The following SNTG2 variants were observed in gnomAD, a reference collection of about 807,000 sequenced individuals.
SNTG2 encodes the protein syntrophin gamma 2, also known as gamma-2-syntrophin.
In SNTG2, 74 loss-of-function variants were observed where a neutral mutation model predicts 70.9. The ratio of observed to expected loss-of-function variants is 1.04; its 90% confidence interval spans 0.86 to 1.27. The LOEUF (loss-of-function observed/expected upper bound fraction) is 1.27. Ranked by LOEUF, SNTG2 falls within the 50% of genes most tolerant of loss-of-function variation. The pLI, the probability that SNTG2 is intolerant of heterozygous loss-of-function variation, is 0.00. For synonymous variants in SNTG2, 278 were observed against 273.8 expected (o/e 1.02, Z -0.15); for missense variants, 717 against 690.7 (o/e 1.04, Z -0.43).
At chr2:1,079,899 G>A (rs1048912963) in intron 1 of SNTG2, among the ~76,000 whole-genome samples, 8 of 152,188 alleles carry the variant, frequency 5.3e-5, no homozygotes, top group African/African-American at 1.9e-4. Flanking sequence ...CCTGAATAAC[G>A]AGAGCAGAGC....
intron 6 of SNTG2, among the ~76,000 whole-genome samples, chr2:1,159,128 G>A (rs1450385502): frequency 2.5e-5 from 2 of 80,402 alleles, no homozygotes; most frequent in Non-Finnish European, 5.6e-5. Context: ...GTGTGTGTAT[G>A]CATGGGTGTG....
At chr2:1,149,386 A>G (rs922200851) in intron 6 of SNTG2, among the ~76,000 whole-genome samples, 2 of 152,150 alleles carry the variant, frequency 1.3e-5, no homozygotes, top group African/African-American at 2.4e-5. Flanking sequence ...TGTGAATAGG[A>G]TTAGAAAAAA....
At chr2:1,053,024 G>T (rs1662164077) in intron 1 of SNTG2, among the ~76,000 whole-genome samples, 1 of 152,142 alleles carries the variant, frequency 6.6e-6, no homozygotes, top group Non-Finnish European at 1.5e-5. Flanking sequence ...TCTTTTTCTG[G>T]TAGTTTTCCA....
intron 1 of SNTG2, among the ~76,000 whole-genome samples, chr2:960,046 T>C (rs1266961480): frequency 3.3e-5 from 5 of 152,180 alleles, no homozygotes; most frequent in Non-Finnish European, 5.9e-5. Flanking sequence ...ATAATTTTCA[T>C]AGTTTGCTAA....
At chr2:1,280,929 G>C (rs7602382) in intron 14 of SNTG2, among the ~76,000 whole-genome samples, 92,138 of 152,096 alleles carry the variant, frequency 0.61, 28,510 homozygotes, top group Middle Eastern at 0.78. Flanking sequence ...GAAGTTATAT[G>C]CTGCTGCTGT....
At chr2:1,031,529 T>TATATATATATA (rs372970926) in intron 1 of SNTG2, among the ~76,000 whole-genome samples, 24 of 42,632 alleles carry the variant, frequency 5.6e-4, no homozygotes, top group African/African-American at 2.4e-3. Context: ...TATATATATA[T>TATATATATATA]TTTTTTTTTT....
At chr2:1,162,071 C>CAAAAAAA (rs58579024) in intron 6 of SNTG2, among the ~76,000 whole-genome samples, 3 of 89,770 alleles carry the variant, frequency 3.3e-5, no homozygotes, top group South Asian at 4.9e-4. Context: ...GACTCCGTCT[C>CAAAAAAA]AAAAAAAAAA....
chr2:1,122,297 T>C (rs1447254470), intron 4 of SNTG2, among the ~76,000 whole-genome samples: 1 of 152,072 alleles, frequency 6.6e-6, no homozygotes, highest in Non-Finnish European at 1.5e-5. Flanking sequence ...AACAAAGATG[T>C]CACTAACAAT....
intron 9 of SNTG2, among the ~76,000 whole-genome samples, chr2:1,232,423 C>T (rs1010712847): frequency 6.6e-6 from 1 of 152,090 alleles, no homozygotes; most frequent in South Asian, 2.1e-4. Context: ...CCTCAGCCTC[C>T]CAAGCAGCTG....
chr2:1,052,898 C>T (rs1478693336), intron 1 of SNTG2, among the ~76,000 whole-genome samples: 2 of 152,192 alleles, frequency 1.3e-5, no homozygotes, highest in Admixed American at 6.5e-5. Context: ...TTTTGAAAGT[C>T]GTAAGCTCAC....
chr2:1,324,747 T>G (rs565766888), intron 16 of SNTG2, among the ~76,000 whole-genome samples: 1 of 152,334 alleles, frequency 6.6e-6, no homozygotes, highest in South Asian at 2.1e-4. Context: ...TTAGGCCTGG[T>G]TATTTGCATA....
At chr2:1,033,331 A>G (rs79714520) in intron 1 of SNTG2, among the ~76,000 whole-genome samples, 28,990 of 152,088 alleles carry the variant, frequency 0.19, 3,387 homozygotes, top group Middle Eastern at 0.27. Context: ...ACAAGTCCAG[A>G]GAGTAGAGCC....
At chr2:1,144,121 C>A (rs28362094) in intron 6 of SNTG2, among the ~76,000 whole-genome samples, 28,173 of 151,972 alleles carry the variant, frequency 0.19, 2,680 homozygotes, top group Non-Finnish European at 0.21. Context: ...CTCCTCTTTA[C>A]CTCCTAAATC....
intron 9 of SNTG2, among the ~76,000 whole-genome samples, chr2:1,220,987 G>A (rs1362703921): frequency 1.3e-5 from 2 of 152,216 alleles, no homozygotes; most frequent in Non-Finnish European, 2.9e-5. Flanking sequence ...GAGGCACCCT[G>A]ACACCCCTCC....
chr2:1,356,531 C>T (rs990320456), intron 16 of SNTG2, among the ~76,000 whole-genome samples: 1 of 152,122 alleles, frequency 6.6e-6, no homozygotes, highest in Admixed American at 6.5e-5. Context: ...CTATTCTGTT[C>T]CATTGGTTTA....
At chr2:1,076,412 G>A (rs1176450140) in intron 1 of SNTG2, among the ~76,000 whole-genome samples, 1 of 152,158 alleles carries the variant, frequency 6.6e-6, no homozygotes, top group Non-Finnish European at 1.5e-5. Flanking sequence ...CTCAATGCCA[G>A]CGATTCAGGG....
chr2:1,303,060 A>G (rs947659068), intron 14 of SNTG2, among the ~76,000 whole-genome samples: 8 of 152,292 alleles, frequency 5.3e-5, no homozygotes, highest in East Asian at 1.9e-4. Flanking sequence ...AGGCCTCAAC[A>G]CTCCTTCTCA....
chr2:1,116,406 A>G (rs1041547380), intron 4 of SNTG2, among the ~76,000 whole-genome samples: 1 of 152,198 alleles, frequency 6.6e-6, no homozygotes, highest in Non-Finnish European at 1.5e-5. Flanking sequence ...TGGCTCACGC[A>G]AAACTCTCCA....
intron 4 of SNTG2, among the ~76,000 whole-genome samples, chr2:1,125,311 A>G (rs1667631474): frequency 6.6e-6 from 1 of 152,200 alleles, no homozygotes. Flanking sequence ...GAACTTTATT[A>G]TCAAAGTAGA....
Sources: gnomAD v4.1 joint callset for allele counts (sites outside exome capture counted in the v4.1 genomes callset) on GRCh38, gnomAD v4.1.1 for gene constraint, MANE v1.5 for transcripts, NCBI Gene and HGNC (gene_info 2026-07-23, HGNC 2026-07-21) for gene names.